PELI2: variants seen among roughly 807,000 people sequenced by gnomAD.
PELI2 encodes the protein E3 ubiquitin-protein ligase pellino homolog 2.
PELI2 carries 23 observed loss-of-function variants against 42.3 expected under a neutral mutation model. The ratio of observed to expected loss-of-function variants is 0.54; its 90% CI spans 0.39 to 0.77. PELI2 has a LOEUF of 0.77. Among genes scored for constraint, PELI2 ranks in the 30% least tolerant of loss-of-function variants. The pLI is 0.00. For missense variants in PELI2, 463 were observed against 553.2 expected (o/e 0.84, Z 1.64); for synonymous variants, 245 against 212.2 (o/e 1.15, Z -1.34).
In PELI2 at chr14:56,205,044, A is replaced by G. The variant is rs180714116; in HGVS notation, c.207+26580A>G. 1.7e-4 allele frequency among the ~76,000 whole-genome samples: 26 copies of G among 151,778 alleles called. 1 individual carries two copies. The highest frequency in any genetic ancestry group is 1.4e-3 in the East Asian group (7 of 5,144). On this transcript the variant is annotated intron_variant, in intron 2 of 5. Transcript: ENST00000267460. ...GACTCCCTGTCAAAAAAAAAAAAAA[A>G]AAAGAAAGAAAGTGCTTTAAAACCA... is the stretch of plus-strand genomic sequence containing the variant.
chr14:56,278,762 G>A lies in PELI2; in HGVS notation c.208-914G>A, dbSNP rs533203767. Among the ~76,000 whole-genome samples, 12 of 152,188 alleles carry A rather than the reference G, an allele frequency of 7.9e-5. No individual in the cohort carries two copies. In the South Asian group the frequency reaches 2.5e-3, roughly 32 times the overall value. The stretch of plus-strand genomic sequence containing the variant: ...CCAGTTTCTTCTAGATGCTTTCTTG[G>A]TCTTCATACAGTGTCATCATTCAAT... On this transcript the variant is annotated intron_variant, in intron 2 of 5. Transcript: ENST00000267460.
intron 2 of PELI2, among the ~76,000 whole-genome samples, chr14:56,231,838 T>A (rs1887584729): frequency 6.6e-6 from 1 of 151,780 alleles, no homozygotes; most frequent in African/African-American, 2.4e-5. Context: ...TTTGAAAAGA[T>A]CAACAAAATT....
intron 1 of PELI2, among the ~76,000 whole-genome samples, chr14:56,128,239 C>T (rs1236708230): frequency 6.6e-6 from 1 of 152,124 alleles, no homozygotes; most frequent in Non-Finnish European, 1.5e-5. Context: ...TAAGGAAATG[C>T]CCCCCAGGGG....
At chr14:56,295,995 T>C (rs752817615) in intron 5 of PELI2, among the ~76,000 whole-genome samples, 5 of 152,264 alleles carry the variant, frequency 3.3e-5, no homozygotes, top group Admixed American at 6.5e-5. Flanking sequence ...TGTCAGCTGT[T>C]AATCAGTCTT....
chr14:56,165,644 C>A (rs1884928754), intron 1 of PELI2, among the ~76,000 whole-genome samples: 2 of 152,088 alleles, frequency 1.3e-5, no homozygotes, highest in Non-Finnish European at 2.9e-5. Flanking sequence ...CTTTGTTGAT[C>A]TTCTGTTTGG....
chr14:56,171,081 A>T (rs1354295063), intron 1 of PELI2, among the ~76,000 whole-genome samples: 1 of 152,132 alleles, frequency 6.6e-6, no homozygotes, highest in Non-Finnish European at 1.5e-5. Flanking sequence ...TTGCCTTTGT[A>T]AGCAGAATTT....
At chr14:56,220,494 G>A (rs956198504) in intron 2 of PELI2, among the ~76,000 whole-genome samples, 5 of 152,174 alleles carry the variant, frequency 3.3e-5, no homozygotes, top group African/African-American at 4.8e-5. Context: ...TAGCTTCCCT[G>A]TGTTTTGGCA....
chr14:56,127,454 C>G (rs993869886), intron 1 of PELI2, among the ~76,000 whole-genome samples: 4 of 152,200 alleles, frequency 2.6e-5, no homozygotes, highest in African/African-American at 9.7e-5. Flanking sequence ...TTGTACCTGT[C>G]TGTGACTGTC....
At chr14:56,261,373 C>G (rs1888710685) in intron 2 of PELI2, among the ~76,000 whole-genome samples, 1 of 151,966 alleles carries the variant, frequency 6.6e-6, no homozygotes, top group African/African-American at 2.4e-5. Context: ...TTGCACAGTA[C>G]CATTCTTTAC....
At chr14:56,128,196 C>CA (rs1272095806) in intron 1 of PELI2, among the ~76,000 whole-genome samples, 1 of 152,190 alleles carries the variant, frequency 6.6e-6, no homozygotes, top group Non-Finnish European at 1.5e-5. Flanking sequence ...AGGCTGATTT[C>CA]ACTTCAGAGG....
chr14:56,133,746 C>T (rs1883580883), intron 1 of PELI2, among the ~76,000 whole-genome samples: 1 of 152,212 alleles, frequency 6.6e-6, no homozygotes, highest in African/African-American at 2.4e-5. Flanking sequence ...CCCCTTTTCC[C>T]TCCAGTCAGG....
rs932862174 is a variant in PELI2, at chr14:56,180,181, G to T, written c.207+1717G>T. On this transcript the variant is annotated intron_variant, in intron 2 of 5. Coordinates refer to ENST00000267460, the MANE Select transcript of PELI2 (RefSeq NM_021255.3). This position sits in a 1 kb window ranked among gnomAD's most constrained non-coding sequence, Gnocchi z 4.4. ...TAAAAGTAGGGCAGATTGGGTTTAG[G>T]TCTTGACCCTCTGTATTTTATAATC... Among the ~76,000 whole-genome samples, 2 of 152,092 alleles carry T rather than the reference G, an allele frequency of 1.3e-5. No homozygotes were observed. The highest frequency in any genetic ancestry group is 2.9e-5 in the Non-Finnish European group (2 of 68,022).
At chr14:56,199,850 G>A (rs370134545) in intron 2 of PELI2, among the ~76,000 whole-genome samples, 1 of 152,212 alleles carries the variant, frequency 6.6e-6, no homozygotes, top group Non-Finnish European at 1.5e-5. Flanking sequence ...TCTGTTTATG[G>A]TTGTGCCATA....
intron 2 of PELI2, among the ~76,000 whole-genome samples, chr14:56,254,354 C>T (rs868090639): frequency 8.6e-5 from 13 of 150,354 alleles, no homozygotes; most frequent in South Asian, 2.1e-4. Flanking sequence ...AGCTGAGATG[C>T]GCCACTGCAC....
intron 2 of PELI2, among the ~76,000 whole-genome samples, chr14:56,195,093 C>A (rs1886086432): frequency 6.6e-6 from 1 of 152,190 alleles, no homozygotes; most frequent in Non-Finnish European, 1.5e-5. Flanking sequence ...TGTTTTGTTT[C>A]TACAGCTGTT....
intron 1 of PELI2, among the ~76,000 whole-genome samples, chr14:56,173,545 T>C (rs1885257882): frequency 6.6e-6 from 1 of 152,162 alleles, no homozygotes; most frequent in African/African-American, 2.4e-5. Flanking sequence ...TACCACAAAC[T>C]TGGTAACAAC....
intron 2 of PELI2, among the ~76,000 whole-genome samples, chr14:56,181,869 TGTG>T (rs1314018550): frequency 4.0e-5 from 6 of 151,406 alleles, no homozygotes; most frequent in African/African-American, 7.3e-5. Context: ...TGTGTGTGTG[TGTG>T]TTTTTAAATT....
chr14:56,147,430 G>A (rs1321515964), intron 1 of PELI2, among the ~76,000 whole-genome samples: 1 of 152,156 alleles, frequency 6.6e-6, no homozygotes, highest in Non-Finnish European at 1.5e-5. Flanking sequence ...AGCAGCACAT[G>A]TACATGGGGA....
rs1031121160 is a variant in PELI2 at position 56,234,587 on chromosome 14, A to C, written c.208-45089A>C. Among the ~76,000 whole-genome samples the C allele has an allele frequency of 2.6e-5, 4 of 152,206 alleles. No individual in the cohort carries two copies. In the East Asian group the frequency reaches 7.7e-4, roughly 29 times the overall value. ...GGACACAGGGTGGGGAACATCGCACACCAGGGCCTGTGGTGGGTTGTGGGG... is the reference window on the plus strand; with the variant it reads ...GGACACAGGGTGGGGAACATCGCACCCCAGGGCCTGTGGTGGGTTGTGGGG... On this transcript the variant is annotated intron_variant, in intron 2 of 5. Coordinates refer to ENST00000267460, the MANE Select transcript of PELI2 (RefSeq NM_021255.3).
Sources: gnomAD v4.1 joint callset for allele counts (sites outside exome capture counted in the v4.1 genomes callset) on GRCh38, gnomAD v4.1.1 for gene constraint, Gnocchi (gnomAD v3.1) non-coding constraint, MANE v1.5 for transcripts, NCBI Gene and HGNC (gene_info 2026-07-23, HGNC 2026-07-21) for gene names.